Variants in GREM1 observed in about 807,000 individuals in gnomAD.
GREM1 encodes gremlin-1.
Under a neutral mutation model 13.1 loss-of-function variants are expected in GREM1, and 6 were observed. That is an observed-to-expected ratio of 0.46 (90% CI 0.25 to 0.91). The LOEUF (loss-of-function observed/expected upper bound fraction) is 0.91, where lower values mean the gene tolerates loss of function less well. Ranked by LOEUF, GREM1 falls within the 40% of genes least tolerant of loss-of-function variation. The pLI, the probability that GREM1 is intolerant of heterozygous loss-of-function variation, is 0.18. For synonymous variants in GREM1, 98 were observed against 93.7 expected, an observed-to-expected ratio of 1.05 and a Z score of -0.27; for missense variants, 185 against 233.9, an observed-to-expected ratio of 0.79 and a Z score of 1.36.
chr15:32,723,226 C>T lies in GREM1; in HGVS notation c.-2+5065C>T, dbSNP rs151336296. ...ACATCTCTGATATTTACAAAGTGCA[C>T]ATTATTTGGTGATACTACAACTGGG... is the stretch of plus-strand genomic sequence containing the variant. On this transcript the variant is annotated intron_variant, in intron 1 of 1. Transcript: ENST00000651154. 3.5e-3 allele frequency among the ~76,000 whole-genome samples: 536 copies of T among 152,278 alleles called. 3 individuals carry two copies. The highest frequency in any genetic ancestry group is 0.012 in the African/African-American group (508 of 41,544).
In GREM1 at chr15:32,718,238, G is replaced by C. The variant is rs781464003; in HGVS notation, c.-2+77G>C. On this transcript the variant is annotated intron_variant, in intron 1 of 1. Coordinates refer to ENST00000651154, the MANE Select transcript of GREM1 (RefSeq NM_013372.7). ...CGCAAACCAACCCAGGACCCGCTCA[G>C]TTCCACGCGCGGCAGCCCTCCGTGC... 18 of 1,151,432 alleles carry C rather than the reference G, an allele frequency of 1.6e-5. No homozygotes were observed. The South Asian group carries it at 2.2e-4, about 14-fold the overall frequency. 71.3% of individuals were successfully genotyped at this position (1,151,432 alleles called of 1,614,324 possible). A position where few individuals can be genotyped will look rare whatever the true frequency, so the allele number is the denominator to read the frequency against.
chr15:32,732,493 A>AGAC lies in GREM1; in HGVS notation c.*1254_*1256dup, dbSNP rs2055638290. On this transcript the variant is annotated 3_prime_UTR_variant, in exon 2 of 2. Transcript: ENST00000651154. ...TTGTCAGGAGATTGGGCTAAAGAGA[A>AGAC]GACGACGAGAGTAAGGAAATAAAGG... The AGAC allele has an allele frequency of 4.1e-6, 1 of 245,592 alleles. No individual in the cohort carries two copies. Among genetic ancestry groups the AGAC allele is most frequent in the Non-Finnish European group, 8.6e-6 (1 of 116,560 alleles). The allele number at this position is 245,592 out of a possible 1,614,324, so 15.2% of individuals were successfully genotyped here.
chr15:32,719,992 A>T (rs996423010), intron 1 of GREM1, among the ~76,000 whole-genome samples: 3 of 152,124 alleles, frequency 2.0e-5, no homozygotes, highest in Admixed American at 6.6e-5. Context: ...AGGTGATTTG[A>T]TTACTATCTC....
Position 32,731,527 on chromosome 15 carries a change from G to A in GREM1, c.*282G>A. 2.1e-6 allele frequency: 1 copy of A among 478,924 alleles called. No individual in the cohort carries two copies. The highest frequency in any genetic ancestry group is 3.8e-6 in the Non-Finnish European group (1 of 262,290). 29.7% of individuals were successfully genotyped at this position (478,924 alleles called of 1,614,324 possible). On this transcript the variant is annotated 3_prime_UTR_variant, in exon 2 of 2. Coordinates refer to ENST00000651154, the MANE Select transcript of GREM1 (RefSeq NM_013372.7). The stretch of plus-strand genomic sequence containing the variant: ...ATGTACCAGAAACCCACCTCACCCC[G>A]GCTCACATCTAAAGGGGCGGGGCCG...
Position 32,738,125 on chromosome 15 carries a change from A to AAAAAAAAAAAAAAAAAAAAAAAAAAC in GREM1, c.*6888_*6889insAAAAAAAAAAAAAAAAACAAAAAAAA. 5.7e-4 allele frequency: 16 copies of AAAAAAAAAAAAAAAAAAAAAAAAAAC among 27,986 alleles called. 6 individuals are homozygous for AAAAAAAAAAAAAAAAAAAAAAAAAAC. In the East Asian group the frequency reaches 7.7e-3, roughly 13 times the overall value. 1.7% of individuals were successfully genotyped at this position (27,986 alleles called of 1,614,324 possible). On this transcript the variant is annotated 3_prime_UTR_variant, in exon 2 of 2. Coordinates refer to ENST00000651154, the MANE Select transcript of GREM1 (RefSeq NM_013372.7). ...AAAAAAAAAAAAAAAAAAAAAAAAA[A>AAAAAAAAAAAAAAAAAAAAAAAAAAC]AAAAAAAAGAAAAGAAAAAAGTCAT... is the stretch of plus-strand genomic sequence containing the variant.
intron 1 of GREM1, among the ~76,000 whole-genome samples, chr15:32,728,520 T>A (rs917390446): frequency 1.5e-5 from 2 of 132,856 alleles, no homozygotes; most frequent in Admixed American, 1.5e-4. Context: ...TTAATTATTT[T>A]AATTTGACAT....
At position 32,743,760 on chromosome 15, in the gene GREM1, C is replaced by T. The variant is rs1298484190; in HGVS notation, c.*12515C>T. The T allele has an allele frequency of 6.7e-6, 1 of 148,902 alleles. No homozygotes were observed. The highest frequency in any genetic ancestry group is 6.7e-5 in the Admixed American group (1 of 15,010). 9.2% of individuals were successfully genotyped at this position (148,902 alleles called of 1,614,324 possible). On this transcript the variant is annotated 3_prime_UTR_variant, in exon 2 of 2. Transcript: ENST00000651154. ...GAAACAAAGCTGGCTTACTTGGGGGCAGGATTTTTTTTTTTCCCAGTTGTT... is the reference window on the plus strand; with the variant it reads ...GAAACAAAGCTGGCTTACTTGGGGGTAGGATTTTTTTTTTTCCCAGTTGTT...
At position 32,735,647 on chromosome 15, in the gene GREM1, T is replaced by C. The variant is rs2055687647; in HGVS notation, c.*4402T>C. 1 of 152,054 alleles carries C rather than the reference T, an allele frequency of 6.6e-6. No homozygotes were observed. The highest frequency in any genetic ancestry group is 1.5e-5 in the Non-Finnish European group (1 of 68,014). 9.4% of individuals were successfully genotyped at this position (152,054 alleles called of 1,614,324 possible). On this transcript the variant is annotated 3_prime_UTR_variant, in exon 2 of 2. Transcript: ENST00000651154. ...TCTTTTTGTCATGGCCTTCTTGGAC[T>C]TGGAGGGGGAGAATGGAAGCAAGTA... is the stretch of plus-strand genomic sequence containing the variant.
intron 1 of GREM1, among the ~76,000 whole-genome samples, chr15:32,727,774 A>G (rs1567111218): frequency 6.6e-6 from 1 of 152,246 alleles, no homozygotes; most frequent in Non-Finnish European, 1.5e-5. Context: ...CCTTAAGCTG[A>G]TAAGCAACTT....
chr15:32,744,721 GCATCT>G lies in GREM1; in HGVS notation c.*13477_*13481del. The G allele has an allele frequency of 6.6e-6, 1 of 151,618 alleles. No individual in the cohort carries two copies. The highest frequency in any genetic ancestry group is 1.9e-4 in the East Asian group (1 of 5,132). 9.4% of individuals were successfully genotyped at this position (151,618 alleles called of 1,614,324 possible). A position where few individuals can be genotyped will look rare whatever the true frequency, so the allele number is the denominator to read the frequency against. The stretch of plus-strand genomic sequence containing the variant: ...CAGGATAACAATGCAGTGTTATCCT[GCATCT>G]GTACAATCAAGCACCCAAACTGGTT... On this transcript the variant is annotated 3_prime_UTR_variant, in exon 2 of 2. Coordinates refer to ENST00000651154, the MANE Select transcript of GREM1 (RefSeq NM_013372.7).
chr15:32,742,906 A>G lies in GREM1; in HGVS notation c.*11661A>G, dbSNP rs2055773953. 2 of 152,268 alleles carry G rather than the reference A, an allele frequency of 1.3e-5. No homozygotes were observed. The highest frequency in any genetic ancestry group is 4.1e-4 in the South Asian group (2 of 4,832). The allele number at this position is 152,268 out of a possible 1,614,324, so 9.4% of individuals were successfully genotyped here. On this transcript the variant is annotated 3_prime_UTR_variant, in exon 2 of 2. Transcript: ENST00000651154. ...TTTAAATGTAAGACTTGAAACAGTA[A>G]AACTCCTAGAAGTAAACAGAAGAGA...
rs1197755172 is a variant in GREM1 at position 32,733,818 on chromosome 15, T to C, written c.*2573T>C. The stretch of plus-strand genomic sequence containing the variant: ...CAAACACCAAATATGAATTTTATGA[T>C]GTACACTTTGTGCTTGGCATTAAAA... On this transcript the variant is annotated 3_prime_UTR_variant, in exon 2 of 2. Coordinates refer to ENST00000651154, the MANE Select transcript of GREM1 (RefSeq NM_013372.7). 1 of 239,266 alleles carries C rather than the reference T, an allele frequency of 4.2e-6. No individual in the cohort carries two copies. The highest frequency in any genetic ancestry group is 8.9e-6 in the Non-Finnish European group (1 of 112,748). The allele number at this position is 239,266 out of a possible 1,614,324, so 14.8% of individuals were successfully genotyped here.
chr15:32,718,076 G>A lies in GREM1; in HGVS notation c.-87G>A, dbSNP rs943727887. 1.6e-6 allele frequency: 2 copies of A among 1,216,192 alleles called. No homozygotes were observed. The highest frequency in any genetic ancestry group is 1.6e-5 in the African/African-American group (1 of 61,776). 75.3% of individuals were successfully genotyped at this position (1,216,192 alleles called of 1,614,324 possible). A position where few individuals can be genotyped will look rare whatever the true frequency, so the allele number is the denominator to read the frequency against. ...CGTCACTCTCGGTCCCGCTGACCCC[G>A]CGCCGAGCCCCGGCGGCTCTGGCCG... On this transcript the variant is annotated 5_prime_UTR_variant, in exon 1 of 2. Coordinates refer to ENST00000651154, the MANE Select transcript of GREM1 (RefSeq NM_013372.7).
rs1002709850 is a variant in GREM1 at position 32,718,080 on chromosome 15, C to G, written c.-83C>G. 4.1e-6 allele frequency: 5 copies of G among 1,218,026 alleles called. No individual in the cohort carries two copies. Among genetic ancestry groups the G allele is most frequent in the Admixed American group, 4.0e-5 (1 of 25,094 alleles). 75.5% of individuals were successfully genotyped at this position (1,218,026 alleles called of 1,614,324 possible). A position where few individuals can be genotyped will look rare whatever the true frequency, so the allele number is the denominator to read the frequency against. ...ACTCTCGGTCCCGCTGACCCCGCGCCGAGCCCCGGCGGCTCTGGCCGCGGC... is the reference window on the plus strand; with the variant it reads ...ACTCTCGGTCCCGCTGACCCCGCGCGGAGCCCCGGCGGCTCTGGCCGCGGC... On this transcript the variant is annotated 5_prime_UTR_variant, in exon 1 of 2. Coordinates refer to ENST00000651154, the MANE Select transcript of GREM1 (RefSeq NM_013372.7).
intron 1 of GREM1, 22 bp downstream of exon 1, chr15:32,718,183 A>G: frequency 7.5e-7 from 1 of 1,340,652 alleles, no homozygotes; most frequent in Middle Eastern, 2.0e-4. Flanking sequence ...CGCACCCGGC[A>G]GGGATGTGAG....
chr15:32,718,494 G>A, intron 1 of GREM1: 1 of 462,164 alleles, frequency 2.2e-6, no homozygotes, highest in Non-Finnish European at 4.3e-6. Flanking sequence ...AGACGCGCCC[G>A]CTTAGCGAGG....
chr15:32,722,824 C>G (rs867512449), intron 1 of GREM1, among the ~76,000 whole-genome samples: 4 of 152,104 alleles, frequency 2.6e-5, no homozygotes, highest in Non-Finnish European at 5.9e-5. Flanking sequence ...TGCTGGTGGA[C>G]AGTTGCAAAG....
Position 32,738,568 on chromosome 15 carries a change from C to G in GREM1, c.*7323C>G, listed in dbSNP as rs2055733936. ...AATCCCAGGTGGCTTAAGAAATTGACAAGTTAATCCTAAAATTCATAAGAA... is the reference window on the plus strand; with the variant it reads ...AATCCCAGGTGGCTTAAGAAATTGAGAAGTTAATCCTAAAATTCATAAGAA... On this transcript the variant is annotated 3_prime_UTR_variant, in exon 2 of 2. Coordinates refer to ENST00000651154, the MANE Select transcript of GREM1 (RefSeq NM_013372.7). The G allele has an allele frequency of 1.3e-5, 2 of 152,106 alleles. No individual in the cohort carries two copies. Among genetic ancestry groups the G allele is most frequent in the Admixed American group, 6.5e-5 (1 of 15,270 alleles). 9.4% of individuals were successfully genotyped at this position (152,106 alleles called of 1,614,324 possible). A position where few individuals can be genotyped will look rare whatever the true frequency, so the allele number is the denominator to read the frequency against.
chr15:32,731,776 G>C lies in GREM1; in HGVS notation c.*531G>C. 4.2e-6 allele frequency: 1 copy of C among 238,016 alleles called. No individual in the cohort carries two copies. The highest frequency in any genetic ancestry group is 8.9e-6 in the Non-Finnish European group (1 of 111,938). The allele number at this position is 238,016 out of a possible 1,614,324, so 14.7% of individuals were successfully genotyped here. On this transcript the variant is annotated 3_prime_UTR_variant, in exon 2 of 2. Coordinates refer to ENST00000651154, the MANE Select transcript of GREM1 (RefSeq NM_013372.7). Reference sequence around the variant, plus strand: ...AGTGACTATGTCAGTCTAATCTCTTGTTTGCCAAGGTTCCTAAATTAATTC... The same window carrying C: ...AGTGACTATGTCAGTCTAATCTCTTCTTTGCCAAGGTTCCTAAATTAATTC...
Sources: gnomAD v4.1 joint callset for allele counts (sites outside exome capture counted in the v4.1 genomes callset) on GRCh38, gnomAD v4.1.1 for gene constraint, MANE v1.5 for transcripts, NCBI Gene and HGNC (gene_info 2026-07-23, HGNC 2026-07-21) for gene names.